CTIF: variants seen among roughly 807,000 people sequenced by gnomAD.
CTIF encodes cap binding complex dependent translation initiation factor.
Under a neutral mutation model 66.0 loss-of-function variants are expected in CTIF, and 21 were observed. That is an observed-to-expected ratio of 0.32 (90% CI 0.23 to 0.46). The LOEUF (loss-of-function observed/expected upper bound fraction) is 0.46, where lower values mean the gene tolerates loss of function less well. CTIF is among the 20% of genes least tolerant of loss of function. CTIF has a pLI of 1.00. For synonymous variants in CTIF, 345 were observed against 326.4 expected (o/e 1.06, Z -0.62); for missense variants, 739 against 812.7 (o/e 0.91, Z 1.10).
intron 9 of CTIF, among the ~76,000 whole-genome samples, chr18:48,765,877 T>C (rs1909474635): frequency 6.6e-6 from 1 of 152,172 alleles, no homozygotes; most frequent in Admixed American, 6.5e-5. Flanking sequence ...GTAGTGTCCT[T>C]GTAAGTAAAA....
intron 3 of CTIF, among the ~76,000 whole-genome samples, chr18:48,654,994 A>T (rs1025943863): frequency 6.6e-6 from 1 of 152,058 alleles, no homozygotes. Context: ...GCAGGGGGAG[A>T]GATAGCATTA....
At chr18:48,739,058 T>G (rs2145728441) in intron 7 of CTIF, among the ~76,000 whole-genome samples, 1 of 152,308 alleles carries the variant, frequency 6.6e-6, no homozygotes, top group Middle Eastern at 3.4e-3. Flanking sequence ...CAGCTCCCAC[T>G]GTCCACCCTG....
At position 48,714,263 on chromosome 18, in the gene CTIF, A is replaced by T. The variant is rs1423005527; in HGVS notation, c.584+2568A>T. Among the ~76,000 whole-genome samples the T allele has an allele frequency of 2.0e-5, 3 of 152,160 alleles. No individual in the cohort carries two copies. The South Asian group carries it at 6.2e-4, about 32-fold the overall frequency. On this transcript the variant is annotated intron_variant, in intron 7 of 11. Coordinates refer to ENST00000256413, the MANE Select transcript of CTIF (RefSeq NM_014772.3). ...CACCTTCCTAATATTCTGGGCTTAA[A>T]CTACACTGGGAGGGGCTTGCATTTC...
intron 9 of CTIF, among the ~76,000 whole-genome samples, chr18:48,798,293 G>A (rs1284052581): frequency 6.6e-6 from 1 of 152,222 alleles, no homozygotes; most frequent in Non-Finnish European, 1.5e-5. Context: ...TAGACTCCTG[G>A]GAGAGAATTT....
At chr18:48,733,015 A>G (rs1275503314) in intron 7 of CTIF, among the ~76,000 whole-genome samples, 4 of 152,192 alleles carry the variant, frequency 2.6e-5, no homozygotes, top group African/African-American at 4.8e-5. Context: ...TCAGAAAAAG[A>G]AGGAGGAGGA....
chr18:48,618,327 G>A (rs894493094), intron 1 of CTIF, among the ~76,000 whole-genome samples: 4 of 152,244 alleles, frequency 2.6e-5, no homozygotes, highest in African/African-American at 9.6e-5. Context: ...TATGGCTTCA[G>A]AGCCCTGTGT....
rs1230567835 is a variant in CTIF at position 48,807,589 on chromosome 18, T to G, written c.1372-9632T>G. On this transcript the variant is annotated intron_variant, in intron 9 of 11. Coordinates refer to ENST00000256413, the MANE Select transcript of CTIF (RefSeq NM_014772.3). ...AACTTTTTGTTGTTGTGTTTTTTTT[T>G]TTTTTTTTTGAGACAGAGTCTCGCT... Among the ~76,000 whole-genome samples, 5 of 102,874 alleles carry G rather than the reference T, an allele frequency of 4.9e-5. No homozygotes were observed. The East Asian group carries it at 6.9e-4, about 14-fold the overall frequency. The allele number at this position is 102,874 out of a possible 152,430, so 67.5% of individuals were successfully genotyped here. A position where few individuals can be genotyped will look rare whatever the true frequency, so the allele number is the denominator to read the frequency against.
At chr18:48,648,072 GA>G (rs1213307714) in intron 3 of CTIF, among the ~76,000 whole-genome samples, 1 of 152,204 alleles carries the variant, frequency 6.6e-6, no homozygotes, top group Non-Finnish European at 1.5e-5. Flanking sequence ...CAGCCAGACA[GA>G]AATGGCCTCT....
chr18:48,799,354 C>A (rs1322698620), intron 9 of CTIF, among the ~76,000 whole-genome samples: 1 of 152,052 alleles, frequency 6.6e-6, no homozygotes, highest in Non-Finnish European at 1.5e-5. Flanking sequence ...AAATAACTTG[C>A]CCAAGGTCAA....
chr18:48,631,415 A>T (rs2090710849), intron 2 of CTIF, among the ~76,000 whole-genome samples: 1 of 152,250 alleles, frequency 6.6e-6, no homozygotes, highest in Non-Finnish European at 1.5e-5. Context: ...GCAGTGAGCC[A>T]AGATTGTGCC....
chr18:48,646,768 AAAAAC>A (rs1598798280), intron 3 of CTIF, among the ~76,000 whole-genome samples: 1 of 151,922 alleles, frequency 6.6e-6, no homozygotes, highest in Admixed American at 6.6e-5. Context: ...AAAATAAAAT[AAAAAC>A]AAAAAGGAAA....
chr18:48,842,317 C>T (rs1221002167), intron 10 of CTIF, among the ~76,000 whole-genome samples: 2 of 152,144 alleles, frequency 1.3e-5, no homozygotes, highest in Admixed American at 6.5e-5. Context: ...TCGCTCAGCC[C>T]CGCTCTTGGC....
chr18:48,821,329 T>C lies in CTIF; in HGVS notation c.1527+3953T>C, dbSNP rs557125442. Among the ~76,000 whole-genome samples, 16 of 152,374 alleles carry C rather than the reference T, an allele frequency of 1.1e-4. 1 individual carries two copies. The highest frequency in any genetic ancestry group is 3.4e-3 in the Middle Eastern group (1 of 294). The stretch of plus-strand genomic sequence containing the variant: ...CCATCTCAATCGAGTGCCTCGTGTG[T>C]TCTTTTCTCTTTTAACTCAGACAGC... On this transcript the variant is annotated intron_variant, in intron 10 of 11. Transcript: ENST00000256413.
intron 7 of CTIF, among the ~76,000 whole-genome samples, chr18:48,722,451 C>T (rs2092347518): frequency 2.0e-5 from 3 of 151,908 alleles, no homozygotes; most frequent in Admixed American, 2.0e-4. Context: ...GAACCCCTGG[C>T]CTCAAGCAAT....
chr18:48,581,229 GT>G (rs569088936), intron 1 of CTIF, among the ~76,000 whole-genome samples: 1 of 149,050 alleles, frequency 6.7e-6, no homozygotes, highest in Non-Finnish European at 1.5e-5. Context: ...TTTTTTTTGG[GT>G]TTTTTTTGTT....
intron 1 of CTIF, among the ~76,000 whole-genome samples, chr18:48,605,065 T>A (rs946981255): frequency 6.6e-6 from 1 of 151,964 alleles, no homozygotes; most frequent in African/African-American, 2.4e-5. Flanking sequence ...TTGGCTATTA[T>A]TAATAATGGT....
chr18:48,696,706 A>G lies in CTIF; in HGVS notation c.508-14913A>G, dbSNP rs567211981. Among the ~76,000 whole-genome samples, 374 of 152,314 alleles carry G rather than the reference A, an allele frequency of 2.5e-3. 1 individual carries two copies. Among genetic ancestry groups the G allele is most frequent in the African/African-American group, 8.3e-3 (344 of 41,556 alleles). Reference sequence around the variant, plus strand: ...TCATTTAATTCCTACAACGAAAGGTAGGTATTAGTCTCTCCATTTTCAGGC... The same window carrying G: ...TCATTTAATTCCTACAACGAAAGGTGGGTATTAGTCTCTCCATTTTCAGGC... On this transcript the variant is annotated intron_variant, in intron 6 of 11. Coordinates refer to ENST00000256413, the MANE Select transcript of CTIF (RefSeq NM_014772.3).
chr18:48,667,690 G>C (rs1185588870), intron 5 of CTIF, among the ~76,000 whole-genome samples: 1 of 152,230 alleles, frequency 6.6e-6, no homozygotes, highest in Non-Finnish European at 1.5e-5. Context: ...AGCCACACCT[G>C]TGTCACCAGC....
At chr18:48,583,645 C>G (rs568027548) in intron 1 of CTIF, among the ~76,000 whole-genome samples, 1 of 152,194 alleles carries the variant, frequency 6.6e-6, no homozygotes, top group Admixed American at 6.5e-5. Context: ...TTCACTACCC[C>G]GTCCTCCATG....
Sources: gnomAD v4.1 joint callset for allele counts (sites outside exome capture counted in the v4.1 genomes callset) on GRCh38, gnomAD v4.1.1 for gene constraint, MANE v1.5 for transcripts, NCBI Gene and HGNC (gene_info 2026-07-23, HGNC 2026-07-21) for gene names.